TMPRSS15: variants seen among roughly 807,000 people sequenced by gnomAD.
TMPRSS15 encodes enteropeptidase.
Under a neutral mutation model 125.3 loss-of-function variants are expected in TMPRSS15, and 128 were observed. That is an observed-to-expected ratio of 1.02 (90% CI 0.89 to 1.18). TMPRSS15 has a LOEUF of 1.18. Ranked by LOEUF, TMPRSS15 falls within the 50% of genes most tolerant of loss-of-function variation. The pLI is 0.00. For missense variants in TMPRSS15, 1,283 were observed against 1,212.7 expected, an observed-to-expected ratio of 1.06 and a Z score of -0.86; for synonymous variants, 446 against 423.2, an observed-to-expected ratio of 1.05 and a Z score of -0.66.
At chr21:18,374,819 G>A (rs941065391) in intron 5 of TMPRSS15, among the ~76,000 whole-genome samples, 3 of 152,086 alleles carry the variant, frequency 2.0e-5, no homozygotes, top group Admixed American at 2.0e-4. Context: ...CAGAGGAGAT[G>A]GGACATGGAC....
intron 1 of TMPRSS15, among the ~76,000 whole-genome samples, chr21:18,449,602 T>A (rs1374538389): frequency 6.6e-6 from 1 of 152,172 alleles, no homozygotes; most frequent in Non-Finnish European, 1.5e-5. Context: ...TGTAGGCATT[T>A]GTGACTGCCT....
intron 1 of TMPRSS15, among the ~76,000 whole-genome samples, chr21:18,416,108 T>C (rs4816769): frequency 0.64 from 96,796 of 151,618 alleles, 31,331 homozygotes; most frequent in Middle Eastern, 0.75. Context: ...ACTTATACAA[T>C]GAAAACTGCA....
chr21:18,402,837 A>G (rs114414418), intron 1 of TMPRSS15, among the ~76,000 whole-genome samples: 1 of 152,280 alleles, frequency 6.6e-6, no homozygotes, highest in African/African-American at 2.4e-5. Context: ...ATAAGCTTTC[A>G]TATGTTGTAG....
intron 1 of TMPRSS15, chr21:18,460,650 A>T (rs1353916003): frequency 6.6e-6 from 1 of 152,236 alleles, no homozygotes; most frequent in African/African-American, 2.4e-5. Flanking sequence ...TTCATGCTGC[A>T]GTTCAAAGGC....
Position 18,312,972 on chromosome 21 carries a change from T to A in TMPRSS15, c.2138A>T (p.Asn713Ile), listed in dbSNP as rs1181222324. ...TAGTCCCAGCAGTTGACAAACATCA[T>A]TTGAAATCTGGGTGGTCCAGTTCTC... is the stretch of plus-strand genomic sequence containing the variant. ...CAENWTTQIS[N>I]DVCQLLGLGS... The change falls in exon 18 of 25, where the codon AAT becomes ATT. Residue 713 changes from asparagine to isoleucine, a missense_variant. Physicochemically the swap from Asn to Ile is moderately radical, Grantham distance 149. Coordinates refer to ENST00000284885, the MANE Select transcript of TMPRSS15 (RefSeq NM_002772.3). 1 of 1,613,858 alleles carries A rather than the reference T, an allele frequency of 6.2e-7. No individual in the cohort carries two copies. Among genetic ancestry groups the A allele is most frequent in the Non-Finnish European group, 8.5e-7 (1 of 1,179,890 alleles).
chr21:18,292,244 C>A (rs2074846995), intron 21 of TMPRSS15, among the ~76,000 whole-genome samples: 1 of 152,170 alleles, frequency 6.6e-6, no homozygotes, highest in Non-Finnish European at 1.5e-5. Flanking sequence ...ATAGACAAGA[C>A]CCCCATAGAA....
chr21:18,301,216 C>G (rs1274299989), intron 18 of TMPRSS15, among the ~76,000 whole-genome samples: 1 of 152,114 alleles, frequency 6.6e-6, no homozygotes, highest in Admixed American at 6.5e-5. Context: ...GTCAGTTCTA[C>G]ATGTTAAATT....
intron 1 of TMPRSS15, among the ~76,000 whole-genome samples, chr21:18,451,713 C>A (rs74942067): frequency 7.9e-5 from 12 of 152,084 alleles, no homozygotes; most frequent in Non-Finnish European, 1.6e-4. Context: ...ATTAAATTTA[C>A]TTTTTCTCTC....
chr21:18,366,089 T>G (rs951343845), intron 6 of TMPRSS15, among the ~76,000 whole-genome samples: 6 of 152,154 alleles, frequency 3.9e-5, no homozygotes, highest in Non-Finnish European at 8.8e-5. Flanking sequence ...AAGTGTATTC[T>G]TCCATATTTG....
At chr21:18,457,204 TTAACA>T (rs760490312) in intron 1 of TMPRSS15, among the ~76,000 whole-genome samples, 1 of 152,124 alleles carries the variant, frequency 6.6e-6, no homozygotes, top group African/African-American at 2.4e-5. Flanking sequence ...ACCGAGTATC[TTAACA>T]TATGTGGTCT....
At chr21:18,325,860 C>A (rs1385185288) in intron 16 of TMPRSS15, among the ~76,000 whole-genome samples, 1 of 151,432 alleles carries the variant, frequency 6.6e-6, no homozygotes, top group Non-Finnish European at 1.5e-5. Flanking sequence ...ATACATATAT[C>A]CATGATGAAC....
intron 1 of TMPRSS15, among the ~76,000 whole-genome samples, chr21:18,443,789 C>T (rs1851008006): frequency 1.3e-5 from 2 of 152,238 alleles, no homozygotes; most frequent in Non-Finnish European, 2.9e-5. Context: ...GGCAACCTCA[C>T]CCTCTGACAC....
At chr21:18,287,278 A>C (rs751720293) in intron 21 of TMPRSS15, among the ~76,000 whole-genome samples, 5 of 152,174 alleles carry the variant, frequency 3.3e-5, no homozygotes, top group African/African-American at 7.2e-5. Flanking sequence ...GCAATCCAAG[A>C]GCAGGAAGGA....
intron 19 of TMPRSS15, among the ~76,000 whole-genome samples, chr21:18,296,829 G>A (rs1482254166): frequency 6.6e-6 from 1 of 152,082 alleles, no homozygotes; most frequent in Non-Finnish European, 1.5e-5. Flanking sequence ...AGCAAACATT[G>A]ATATAAAACA....
At chr21:18,347,854 G>A (rs2075525256) in intron 10 of TMPRSS15, among the ~76,000 whole-genome samples, 1 of 152,100 alleles carries the variant, frequency 6.6e-6, no homozygotes, top group Admixed American at 6.5e-5. Flanking sequence ...ATATTGGCCA[G>A]CCATAGTGGC....
intron 18 of TMPRSS15, among the ~76,000 whole-genome samples, chr21:18,300,273 C>G (rs904216735): frequency 5.6e-5 from 8 of 141,796 alleles, no homozygotes; most frequent in Admixed American, 2.1e-4. Flanking sequence ...TTCTTTCTCT[C>G]TTCTTTCTCT....
In TMPRSS15 at chr21:18,434,206, A is replaced by G. The variant is rs114586512; in HGVS notation, c.11-35877T>C. Reference sequence around the variant, plus strand: ...ATAAAAGGAAGACTCACCATAATCTATACCTGCAGCTACATCTACATTGCA... The same window carrying G: ...ATAAAAGGAAGACTCACCATAATCTGTACCTGCAGCTACATCTACATTGCA... On this transcript the variant is annotated intron_variant, in intron 1 of 7. Transcript: ENST00000422787. Among the ~76,000 whole-genome samples the G allele has an allele frequency of 3.8e-3, 572 of 152,314 alleles. 3 individuals carry two copies. Among genetic ancestry groups the G allele is most frequent in the African/African-American group, 0.013 (535 of 41,564 alleles).
intron 1 of TMPRSS15, among the ~76,000 whole-genome samples, chr21:18,476,532 A>G (rs1357001676): frequency 6.6e-6 from 1 of 152,168 alleles, no homozygotes; most frequent in Non-Finnish European, 1.5e-5. Flanking sequence ...CTTGAAACAA[A>G]CTATTTTATG....
At chr21:18,457,196 C>G (rs185340243) in intron 1 of TMPRSS15, among the ~76,000 whole-genome samples, 1 of 151,998 alleles carries the variant, frequency 6.6e-6, no homozygotes, top group Non-Finnish European at 1.5e-5. Flanking sequence ...TAGTGCTTAC[C>G]GAGTATCTTA....
Sources: gnomAD v4.1 joint callset for allele counts (sites outside exome capture counted in the v4.1 genomes callset) on GRCh38, gnomAD v4.1.1 for gene constraint, MANE v1.5 for transcripts, NCBI Gene and HGNC (gene_info 2026-07-23, HGNC 2026-07-21) for gene names.